SH3BGRL: variants seen among roughly 807,000 people sequenced by gnomAD.
SH3BGRL encodes adapter SH3BGRL.
SH3BGRL carries 7 observed loss-of-function variants against 9.8 expected under a neutral mutation model. The observed-to-expected ratio is 0.72, with a 90% CI of 0.41 to 1.35. The LOEUF is 1.35. Among genes scored for constraint, SH3BGRL ranks in the 40% most tolerant of loss-of-function variants. The pLI is 0.01. For synonymous variants in SH3BGRL, 36 were observed against 29.1 expected, an observed-to-expected ratio of 1.24 and a Z score of -0.76; for missense variants, 73 against 84.4, an observed-to-expected ratio of 0.86 and a Z score of 0.53.
intron 1 of SH3BGRL, among the ~76,000 whole-genome samples, chrX:81,205,500 G>GTATATA (rs1268394517): frequency 3.4e-5 from 3 of 87,541 alleles, no homozygotes; most frequent in African/African-American, 1.5e-4. Flanking sequence ...GTGTGTGTGT[G>GTATATA]TGTGTATATA....
At chrX:81,278,520 T>C in intron 3 of SH3BGRL, 109 bp downstream of exon 3, 1 of 492,454 alleles carries the variant, frequency 2.0e-6, no homozygotes. Flanking sequence ...TCAGAGACAA[T>C]CCTTTATAGC....
At chrX:81,257,077 G>A (rs764211771) in intron 1 of SH3BGRL, among the ~76,000 whole-genome samples, 2 of 98,510 alleles carry the variant, frequency 2.0e-5, no homozygotes, top group Non-Finnish European at 4.1e-5. Flanking sequence ...TAGAATACCC[G>A]CTATGGGTCA....
chrX:81,227,324 G>A (rs1569359528), intron 1 of SH3BGRL, among the ~76,000 whole-genome samples: 1 of 112,137 alleles, frequency 8.9e-6, no homozygotes, highest in East Asian at 2.8e-4. Flanking sequence ...CATTGCTAAA[G>A]CGATCAGTTA....
intron 1 of SH3BGRL, among the ~76,000 whole-genome samples, chrX:81,216,124 C>A (rs2075580783): frequency 9.0e-6 from 1 of 111,332 alleles, no homozygotes; most frequent in Non-Finnish European, 1.9e-5. Context: ...GTATTCATTC[C>A]TTTATTTATA....
At chrX:81,242,065 G>A (rs1376227053) in intron 1 of SH3BGRL, among the ~76,000 whole-genome samples, 3 of 112,491 alleles carry the variant, frequency 2.7e-5, no homozygotes, top group African/African-American at 9.7e-5. Context: ...CCGAGTGGGC[G>A]GAATAAGAAC....
intron 3 of SH3BGRL, among the ~76,000 whole-genome samples, chrX:81,280,504 A>G (rs2075812971): frequency 8.9e-6 from 1 of 111,999 alleles, no homozygotes; most frequent in Non-Finnish European, 1.9e-5. Flanking sequence ...GACTCTGTGC[A>G]GACAACCGCC....
At chrX:81,286,181 G>C (rs1362227447) in intron 3 of SH3BGRL, among the ~76,000 whole-genome samples, 1 of 110,431 alleles carries the variant, frequency 9.1e-6, no homozygotes, top group Non-Finnish European at 1.9e-5. Context: ...TGGAGATGAT[G>C]GTTTTGAGAT....
intron 1 of SH3BGRL, among the ~76,000 whole-genome samples, chrX:81,227,153 A>G (rs191140858): frequency 2.6e-4 from 29 of 112,171 alleles, no homozygotes; most frequent in African/African-American, 8.4e-4. Flanking sequence ...GACTTTTCTA[A>G]AGAATGATAT....
chrX:81,202,429 C>T (rs867406267), intron 1 of SH3BGRL, 184 bp downstream of exon 1: 23 of 942,025 alleles, frequency 2.4e-5, no homozygotes, highest in Middle Eastern at 4.3e-4. Flanking sequence ...TTTTTTTTTT[C>T]CACATAGAGT....
chrX:81,232,819 C>G (rs1461685604), intron 1 of SH3BGRL, among the ~76,000 whole-genome samples: 1 of 111,859 alleles, frequency 8.9e-6, no homozygotes, highest in Admixed American at 9.5e-5. Flanking sequence ...ACTTTTATGA[C>G]TCACCTCAGT....
chrX:81,232,834 T>C, intron 1 of SH3BGRL, among the ~76,000 whole-genome samples: 1 of 112,102 alleles, frequency 8.9e-6, no homozygotes, highest in Middle Eastern at 4.6e-3. Context: ...CTCAGTCACT[T>C]CACCTGTATT....
At chrX:81,271,186 A>C (rs1569367611) in intron 1 of SH3BGRL, among the ~76,000 whole-genome samples, 1 of 111,857 alleles carries the variant, frequency 8.9e-6, no homozygotes, top group South Asian at 3.8e-4. Flanking sequence ...GGGAAATCCT[A>C]TGACCCCTTG....
chrX:81,210,432 T>A (rs1400224037), intron 1 of SH3BGRL, among the ~76,000 whole-genome samples: 1 of 111,839 alleles, frequency 8.9e-6, no homozygotes, highest in Admixed American at 9.5e-5. Context: ...TGATCAATCA[T>A]CTTACTTTAA....
chrX:81,227,986 T>TA (rs1019055108), intron 1 of SH3BGRL, among the ~76,000 whole-genome samples: 2 of 112,244 alleles, frequency 1.8e-5, no homozygotes, highest in African/African-American at 6.5e-5. Context: ...CACCAGGGCT[T>TA]AAAAAAATTA....
intron 1 of SH3BGRL, 98 bp from the exon 2 acceptor site, chrX:81,276,886 C>A: frequency 1.4e-6 from 1 of 706,925 alleles, no homozygotes; most frequent in Non-Finnish European, 2.1e-6. Context: ...TTCTGTGAAA[C>A]CACAATCTTT....
At chrX:81,296,882 A>C (rs774566059) in intron 3 of SH3BGRL, among the ~76,000 whole-genome samples, 45 of 111,381 alleles carry the variant, frequency 4.0e-4, no homozygotes, top group Non-Finnish European at 6.2e-4. Flanking sequence ...TATATTCTCA[A>C]TTTTCATGAA....
chrX:81,262,492 G>T (rs1026062560), intron 1 of SH3BGRL, among the ~76,000 whole-genome samples: 1 of 111,518 alleles, frequency 9.0e-6, no homozygotes, highest in African/African-American at 3.3e-5. Context: ...AACTGTCAGG[G>T]TCACAGGAAA....
chrX:81,247,401 C>G (rs1343568472), intron 1 of SH3BGRL, among the ~76,000 whole-genome samples: 1 of 111,673 alleles, frequency 9.0e-6, no homozygotes, highest in African/African-American at 3.3e-5. Context: ...AAGAGAAATG[C>G]TTCGGGTTTT....
intron 1 of SH3BGRL, among the ~76,000 whole-genome samples, chrX:81,257,748 A>T (rs921344167): frequency 2.7e-5 from 3 of 110,865 alleles, no homozygotes; most frequent in African/African-American, 9.8e-5. Context: ...GATCCTACCC[A>T]CACTCAAGGG....
Sources: gnomAD v4.1 joint callset for allele counts (sites outside exome capture counted in the v4.1 genomes callset) on GRCh38, gnomAD v4.1.1 for gene constraint, MANE v1.5 for transcripts, NCBI Gene and HGNC (gene_info 2026-07-23, HGNC 2026-07-21) for gene names.